Variants in KMT2C observed in about 807,000 individuals in gnomAD.
KMT2C encodes lysine methyltransferase 2C.
In KMT2C, 88 loss-of-function variants were observed where a neutral mutation model predicts 507.9. The ratio of observed to expected loss-of-function variants is 0.17; its 90% CI spans 0.15 to 0.21. KMT2C has a LOEUF of 0.21. Among genes scored for constraint, KMT2C ranks in the 10% least tolerant of loss-of-function variants. KMT2C has a pLI of 1.00. For missense variants in KMT2C, 4,954 were observed against 5,957.8 expected, an observed-to-expected ratio of 0.83 and a Z score of 5.55; for synonymous variants, 2,049 against 2,080.8, an observed-to-expected ratio of 0.98 and a Z score of 0.42.
intron 1 of KMT2C, among the ~76,000 whole-genome samples, chr7:152,369,173 G>A (rs1260884917): frequency 6.6e-6 from 1 of 151,834 alleles, no homozygotes; most frequent in Admixed American, 6.6e-5. Flanking sequence ...AAATACAAAA[G>A]TTGGCCGGGC....
chr7:152,267,142 T>A (rs1040769634), intron 7 of KMT2C, among the ~76,000 whole-genome samples: 1 of 152,270 alleles, frequency 6.6e-6, no homozygotes, highest in Non-Finnish European at 1.5e-5. Context: ...TAGGATTTCA[T>A]CCTTTTCCTT....
At chr7:152,189,490 T>TA (rs1202716425) in intron 31 of KMT2C, among the ~76,000 whole-genome samples, 1 of 152,212 alleles carries the variant, frequency 6.6e-6, no homozygotes, top group Admixed American at 6.5e-5. Flanking sequence ...GATTTTTTTT[T>TA]ATCTAATGTC....
intron 46 of KMT2C, 90 bp from the exon 47 acceptor site, chr7:152,154,535 T>C: frequency 1.8e-6 from 2 of 1,091,050 alleles, no homozygotes; most frequent in Non-Finnish European, 2.7e-6. Context: ...TGAATACAGC[T>C]GTAAGGATAC....
chr7:152,324,197 G>A (rs2096802147), intron 3 of KMT2C, among the ~76,000 whole-genome samples: 2 of 151,432 alleles, frequency 1.3e-5, no homozygotes, highest in African/African-American at 2.4e-5. Flanking sequence ...TAGGTTTTGA[G>A]ATACAGTGCA....
At chr7:152,235,207 G>GTATGTGTATATATATATATATATATATA (rs950086494) in intron 16 of KMT2C, among the ~76,000 whole-genome samples, 2 of 142,424 alleles carry the variant, frequency 1.4e-5, no homozygotes, top group African/African-American at 5.5e-5. Context: ...TTTCAAGGGT[G>GTATGTGTATATATATATATATATATATA]TATATATATA....
At chr7:152,339,262 A>G (rs1406845949) in intron 2 of KMT2C, among the ~76,000 whole-genome samples, 1 of 152,196 alleles carries the variant, frequency 6.6e-6, no homozygotes, top group Admixed American at 6.5e-5. Flanking sequence ...CTAACCTCTA[A>G]TTTTTATTCA....
intron 3 of KMT2C, among the ~76,000 whole-genome samples, chr7:152,329,056 G>A (rs913841435): frequency 6.6e-6 from 1 of 151,994 alleles, no homozygotes; most frequent in Non-Finnish European, 1.5e-5. Context: ...AAATGAACAC[G>A]TGAGACTCTT....
intron 6 of KMT2C, among the ~76,000 whole-genome samples, chr7:152,306,741 C>A (rs1021955624): frequency 5.9e-5 from 9 of 152,028 alleles, no homozygotes; most frequent in Non-Finnish European, 1.0e-4. Flanking sequence ...GTACCTGTTT[C>A]CCCACAGCCC....
At chr7:152,176,136 G>A (rs1426268997) in intron 38 of KMT2C, 55 bp downstream of exon 38, 19 of 1,426,968 alleles carry the variant, frequency 1.3e-5, no homozygotes, top group Admixed American at 6.8e-5. Flanking sequence ...TAAGCATATC[G>A]CATGCCACTC....
rs1398446706 is a variant in KMT2C at position 152,230,286 on chromosome 7, A to G, written c.2805T>C (p.Asp935=). ...CTGTATTGTGCATAGAGTTTTCTTC[A>G]TCATCCTTATTTGATGAAATATCTG... ...STADISSNKD[D]EENSMHNTVV... Residue 935 remains aspartate, a synonymous_variant, in exon 17 of 59, where the codon GAT becomes GAC. Coordinates refer to ENST00000262189, the MANE Select transcript of KMT2C (RefSeq NM_170606.3). 2 of 1,599,548 alleles carry G rather than the reference A, an allele frequency of 1.3e-6. No individual in the cohort carries two copies. Among genetic ancestry groups the G allele is most frequent in the South Asian group, 2.2e-5 (2 of 89,218 alleles).
rs765412318 is a variant in KMT2C at position 152,144,684 on chromosome 7, C to T, written c.14343+29G>A. The T allele has an allele frequency of 6.3e-7, 1 of 1,598,106 alleles. No individual in the cohort carries two copies. The highest frequency in any genetic ancestry group is 8.6e-7 in the Non-Finnish European group (1 of 1,168,188). On this transcript the variant is annotated intron_variant, in intron 55 of 58. Transcript: ENST00000262189. The surrounding 1 kb of genome is among the most constrained non-coding windows in gnomAD (Gnocchi z 4.4). ...ATTGCTAGACTCCACCCTGTCTCTC[C>T]ACTTCCTGTACACAAAGTATTTCTT... is the stretch of plus-strand genomic sequence containing the variant.
Position 152,144,850 on chromosome 7 carries a change from T to C in KMT2C, c.14206A>G (p.Lys4736Glu). 1 of 1,614,034 alleles carries C rather than the reference T, an allele frequency of 6.2e-7. No individual in the cohort carries two copies. Among genetic ancestry groups the C allele is most frequent in the Non-Finnish European group, 8.5e-7 (1 of 1,179,920 alleles). The part of the protein sequence containing the change: ...PHTLNSTSTS[K>E]SFQSTVTGEL... ...CCAGTGACTGTGCTCTGAAATGACTTTGAGGTGCTGGTGCTGTTTAAGGTG... is the reference window on the plus strand; with the variant it reads ...CCAGTGACTGTGCTCTGAAATGACTCTGAGGTGCTGGTGCTGTTTAAGGTG... Residue 4736 changes from lysine (K) to glutamate (E), a missense_variant, in exon 55 of 59, where the codon AAG (lysine) becomes GAG (glutamate). Around this residue, in one of 29 missense-constraint regions of KMT2C, gnomAD observed 133 missense variants for 258.9 expected, o/e 0.51. Coordinates refer to ENST00000262189, the MANE Select transcript of KMT2C (RefSeq NM_170606.3). This position sits in a 1 kb window ranked among gnomAD's most constrained non-coding sequence, Gnocchi z 4.4.
At chr7:152,201,623 A>G (rs1290769777) in intron 26 of KMT2C, among the ~76,000 whole-genome samples, 3 of 131,068 alleles carry the variant, frequency 2.3e-5, no homozygotes, top group African/African-American at 1.0e-4. Flanking sequence ...AGATGAAAAA[A>G]AAAAAAAAAA....
At chr7:152,415,812 G>A (rs542355680) in intron 1 of KMT2C, among the ~76,000 whole-genome samples, 19 of 152,294 alleles carry the variant, frequency 1.2e-4, no homozygotes, top group South Asian at 8.3e-4. Flanking sequence ...CCTGGGACGC[G>A]AAGGTTGCAG....
rs2090144544 is a variant in KMT2C, at chr7:152,138,543, G to T, written c.14643+253C>A. The T allele has an allele frequency of 8.1e-6, 3 of 369,434 alleles. No homozygotes were observed. 22.9% of individuals were successfully genotyped at this position (369,434 alleles called of 1,614,324 possible). A position where few individuals can be genotyped will look rare whatever the true frequency, so the allele number is the denominator to read the frequency against. ...AAATGATACCACCTGGGTGCCATGGGGATGCTGAACCCGTGGCACAGAAGG... is the reference window on the plus strand; with the variant it reads ...AAATGATACCACCTGGGTGCCATGGTGATGCTGAACCCGTGGCACAGAAGG... On this transcript the variant is annotated intron_variant, in intron 58 of 58. Transcript: ENST00000262189. This position sits in a 1 kb window ranked among gnomAD's most constrained non-coding sequence, Gnocchi z 4.2.
chr7:152,282,782 T>G (rs2096242368), intron 6 of KMT2C, among the ~76,000 whole-genome samples: 1 of 150,402 alleles, frequency 6.6e-6, no homozygotes, highest in Admixed American at 6.6e-5. Flanking sequence ...ATTTGGGGTA[T>G]TCCTAGAAAT....
intron 23 of KMT2C, among the ~76,000 whole-genome samples, chr7:152,215,678 T>A (rs1283350778): frequency 2.2e-5 from 3 of 139,048 alleles, no homozygotes; most frequent in Admixed American, 2.1e-4. Flanking sequence ...AGGAACAAAA[T>A]ATATATATAT....
chr7:152,330,056 C>T (rs929642023), intron 3 of KMT2C, among the ~76,000 whole-genome samples: 1 of 146,888 alleles, frequency 6.8e-6, no homozygotes, highest in Non-Finnish European at 1.5e-5. Context: ...AGGCAGAAGA[C>T]TCTCTTGAAC....
chr7:152,368,970 G>A lies in KMT2C; in HGVS notation c.162-10295C>T, dbSNP rs148881082. ...TTTACTGTTGTACAATCATGTTCTC[G>A]TGGTTTGATTGTTTACAGCCTATTC... On this transcript the variant is annotated intron_variant, in intron 1 of 58. Coordinates refer to ENST00000262189, the MANE Select transcript of KMT2C (RefSeq NM_170606.3). Among the ~76,000 whole-genome samples, 335 of 151,640 alleles carry A rather than the reference G, an allele frequency of 2.2e-3. 2 individuals are homozygous for A. Among genetic ancestry groups the A allele is most frequent in the South Asian group, 8.3e-3 (40 of 4,808 alleles).
Sources: allele counts gnomAD v4.1 joint callset (sites outside exome capture counted in the v4.1 genomes callset), GRCh38; gene constraint gnomAD v4.1.1; regional missense constraint gnomAD v4.1.1; non-coding constraint Gnocchi (gnomAD v3.1); transcripts MANE v1.5; gene names NCBI Gene and HGNC (gene_info 2026-07-23, HGNC 2026-07-21).